PADI3: variants seen among roughly 807,000 people sequenced by gnomAD.
PADI3 encodes protein-arginine deiminase type-3.
In PADI3, 53 loss-of-function variants were observed where a neutral mutation model predicts 71.5. The ratio of observed to expected loss-of-function variants is 0.74; its 90% CI spans 0.59 to 0.93. PADI3 has a LOEUF of 0.93. Among genes scored for constraint, PADI3 ranks in the 40% least tolerant of loss-of-function variants. The probability of loss-of-function intolerance (pLI) is 0.00; values close to 1 mark genes in which losing one functional copy is unlikely to be tolerated. For missense variants in PADI3, 821 were observed against 868.0 expected, an observed-to-expected ratio of 0.95 and a Z score of 0.68; for synonymous variants, 361 against 347.5, an observed-to-expected ratio of 1.04 and a Z score of -0.43.
At chr1:17,260,694 C>A (rs1186199255) in intron 2 of PADI3, among the ~76,000 whole-genome samples, 1 of 152,228 alleles carries the variant, frequency 6.6e-6, no homozygotes, top group Non-Finnish European at 1.5e-5. Flanking sequence ...GCACTTGGGG[C>A]AGGACCCAAT....
At chr1:17,252,282 G>C (rs1012255398) in intron 1 of PADI3, among the ~76,000 whole-genome samples, 1 of 152,146 alleles carries the variant, frequency 6.6e-6, no homozygotes, top group Non-Finnish European at 1.5e-5. Context: ...ATCCCATCAA[G>C]TTCCACAGCC....
rs1444427216 is a variant in PADI3, at chr1:17,259,641, C to A, written c.156C>A (p.Ile52=). 10 of 1,613,884 alleles carry A rather than the reference C, an allele frequency of 6.2e-6. No homozygotes were observed. Among genetic ancestry groups the A allele is most frequent in the Non-Finnish European group, 7.6e-6 (9 of 1,179,824 alleles). The change falls in exon 2 of 16, where the codon ATC becomes ATA. Residue 52 remains isoleucine (I), a synonymous_variant. Transcript: ENST00000375460. ...VYGTPGVDIY[I]SPNMERGRER... is the part of the protein sequence containing the mutation. ...GGACGCCTGGCGTGGACATCTACAT[C>A]TCTCCCAACATGGAGAGGGGCCGGG...
intron 3 of PADI3, 96 bp from the exon 4 acceptor site, chr1:17,265,563 C>A: frequency 9.3e-7 from 1 of 1,074,384 alleles, no homozygotes; most frequent in Non-Finnish European, 1.4e-6. Flanking sequence ...TTAGAAATGA[C>A]TTGCCTTTGC....
At chr1:17,274,876 T>A in intron 11 of PADI3, 90 bp downstream of exon 11, 1 of 1,308,444 alleles carries the variant, frequency 7.6e-7, no homozygotes, top group Non-Finnish European at 1.1e-6. Context: ...TTGCACTCCT[T>A]GAAGAGAGCC....
At chr1:17,267,744 T>C in intron 5 of PADI3, 93 bp from the exon 6 acceptor site, 2 of 1,459,658 alleles carry the variant, frequency 1.4e-6, no homozygotes, top group Non-Finnish European at 1.9e-6. Flanking sequence ...CAGGTCTTGA[T>C]ACCCACTGAC....
intron 10 of PADI3, among the ~76,000 whole-genome samples, chr1:17,274,386 G>A (rs888253177): frequency 3.9e-5 from 6 of 152,192 alleles, no homozygotes; most frequent in South Asian, 4.1e-4. Context: ...CAACCGGAGC[G>A]CCCCCTGCTG....
chr1:17,260,064 C>T (rs528633205), intron 2 of PADI3, among the ~76,000 whole-genome samples: 5 of 152,320 alleles, frequency 3.3e-5, no homozygotes, highest in Non-Finnish European at 7.4e-5. Flanking sequence ...CCTTCTCTTG[C>T]TTCCCAAGAC....
At chr1:17,261,975 C>T (rs1344624829) in intron 2 of PADI3, among the ~76,000 whole-genome samples, 158 bp from the exon 3 acceptor site, 1 of 152,186 alleles carries the variant, frequency 6.6e-6, no homozygotes. Context: ...TACAGATATG[C>T]CAACCAAGAC....
At chr1:17,261,547 C>A (rs2073103117) in intron 2 of PADI3, among the ~76,000 whole-genome samples, 1 of 152,258 alleles carries the variant, frequency 6.6e-6, no homozygotes. Context: ...CAAGATGCCA[C>A]CTGCCCACTG....
chr1:17,276,471 G>T lies in PADI3; in HGVS notation c.1308-48G>T, dbSNP rs2073331476. 3 of 1,598,918 alleles carry T rather than the reference G, an allele frequency of 1.9e-6. No homozygotes were observed. In the Admixed American group the frequency reaches 5.0e-5, roughly 27 times the overall value. ...AACTCTTGTCATTTTATTTCTGCAT[G>T]GAGTCTTTTTAGTTAAGCAACTTTT... On this transcript the variant is annotated intron_variant, in intron 11 of 15. Transcript: ENST00000375460.
In PADI3 at chr1:17,270,446, C is replaced by T. The variant is rs768203130; in HGVS notation, c.831+35C>T. The T allele has an allele frequency of 2.5e-5, 39 of 1,568,900 alleles. 1 individual carries two copies. Among genetic ancestry groups the T allele is most frequent in the South Asian group, 9.3e-5 (8 of 85,782 alleles). On this transcript the variant is annotated intron_variant, in intron 7 of 15. Coordinates refer to ENST00000375460, the MANE Select transcript of PADI3 (RefSeq NM_016233.2). Reference sequence around the variant, plus strand: ...GAGGGGGTTCAAGAGGAGCTCCACTCGGGACCAGCCTGGGCAACATGGTGA... The same window carrying T: ...GAGGGGGTTCAAGAGGAGCTCCACTTGGGACCAGCCTGGGCAACATGGTGA...
chr1:17,254,568 G>A (rs1388098108), intron 1 of PADI3, among the ~76,000 whole-genome samples: 1 of 152,026 alleles, frequency 6.6e-6, no homozygotes, highest in Non-Finnish European at 1.5e-5. Context: ...TGTAAAGTGG[G>A]GATAATAGCA....
intron 6 of PADI3, among the ~76,000 whole-genome samples, chr1:17,269,241 C>A (rs1044102648): frequency 2.2e-4 from 34 of 152,332 alleles, no homozygotes; most frequent in African/African-American, 6.5e-4. Context: ...CTTTATTCTA[C>A]ATGTTCTCCA....
chr1:17,269,430 T>C (rs17458091), intron 6 of PADI3, among the ~76,000 whole-genome samples: 17,832 of 152,210 alleles, frequency 0.12, 1,141 homozygotes, highest in African/African-American at 0.15. Flanking sequence ...TGCAGTGTTT[T>C]GATTTTATAA....
intron 13 of PADI3, among the ~76,000 whole-genome samples, chr1:17,278,410 G>A (rs2073361187): frequency 6.6e-6 from 1 of 152,024 alleles, no homozygotes; most frequent in Non-Finnish European, 1.5e-5. Context: ...TGTATTTTTT[G>A]TAGAGATGGA....
rs780139354 is a variant in PADI3, at chr1:17,283,058, G to A, written c.1974G>A (p.Lys658=). ...TGTGCAGAAAGCCCTTCTCTTTCAA[G>A]TGGTGGAACATGGTGCCCTGAGACA... ...TNVCRKPFSF[K]WWNMVP is the part of the protein sequence containing the mutation. The change falls in exon 16 of 16, where the codon AAG becomes AAA. Residue 658 remains lysine (K), a synonymous_variant. Transcript: ENST00000375460. The A allele has an allele frequency of 1.2e-6, 2 of 1,614,026 alleles. No homozygotes were observed. The highest frequency in any genetic ancestry group is 1.7e-6 in the Non-Finnish European group (2 of 1,179,968).
intron 3 of PADI3, 74 bp from the exon 4 acceptor site, chr1:17,265,585 C>A: frequency 1.5e-6 from 2 of 1,325,856 alleles, no homozygotes; most frequent in Non-Finnish European, 2.2e-6. Context: ...CAGCCCCAGA[C>A]AAGCCCTGAG....
chr1:17,258,519 A>G (rs1468134893), intron 1 of PADI3, among the ~76,000 whole-genome samples: 1 of 152,244 alleles, frequency 6.6e-6, no homozygotes, highest in Non-Finnish European at 1.5e-5. Context: ...ACCTGCAATT[A>G]ATTTCTGGTT....
chr1:17,280,182 G>A (rs2073383616), intron 13 of PADI3, among the ~76,000 whole-genome samples, 168 bp from the exon 14 acceptor site: 1 of 152,232 alleles, frequency 6.6e-6, no homozygotes, highest in Non-Finnish European at 1.5e-5. Context: ...CAGTGGCCAA[G>A]GCAAGCTCAG....
Sources: gnomAD v4.1 joint callset for allele counts (sites outside exome capture counted in the v4.1 genomes callset) on GRCh38, gnomAD v4.1.1 for gene constraint, MANE v1.5 for transcripts, NCBI Gene and HGNC (gene_info 2026-07-23, HGNC 2026-07-21) for gene names.